Variants in PSD3 observed in about 807,000 individuals in gnomAD.
PSD3 encodes the protein PH and SEC7 domain-containing protein 3.
Under a neutral mutation model 105.5 loss-of-function variants are expected in PSD3, and 49 were observed. That is an observed-to-expected ratio of 0.46 (90% CI 0.37 to 0.59). The LOEUF (loss-of-function observed/expected upper bound fraction) is 0.59. Ranked by LOEUF, PSD3 falls within the 20% of genes least tolerant of loss-of-function variation. The pLI is 0.00. For synonymous variants in PSD3, 557 were observed against 457.8 expected, an observed-to-expected ratio of 1.22 and a Z score of -2.77; for missense variants, 1,561 against 1,263.8, an observed-to-expected ratio of 1.24 and a Z score of -3.57.
At chr8:18,897,893 G>A (rs965873076) in intron 2 of PSD3, among the ~76,000 whole-genome samples, 17 of 152,108 alleles carry the variant, frequency 1.1e-4, no homozygotes, top group African/African-American at 4.1e-4. Flanking sequence ...CAGTTCAGAG[G>A]TTTTTATTTT....
intron 11 of PSD3, among the ~76,000 whole-genome samples, chr8:18,617,798 T>G (rs1355478238): frequency 6.6e-6 from 1 of 152,154 alleles, no homozygotes; most frequent in East Asian, 1.9e-4. Flanking sequence ...TTAGTAGCAC[T>G]AAGATACCAA....
Position 18,605,477 on chromosome 8 carries a change from G to A in PSD3, c.2411-5043C>T, listed in dbSNP as rs567412549. ...TAACTAACTTGTTTTTGATTTTACA[G>A]GTTCATAGGTAGAAGGAACTAGCTT... On this transcript the variant is annotated intron_variant, in intron 11 of 15. Coordinates refer to ENST00000327040, the MANE Select transcript of PSD3 (RefSeq NM_015310.4). Among the ~76,000 whole-genome samples the A allele has an allele frequency of 2.6e-4, 40 of 152,184 alleles. 2 individuals carry two copies. The highest frequency in any genetic ancestry group is 9.6e-4 in the African/African-American group (40 of 41,514).
At chr8:18,823,387 A>G (rs937910686) in intron 4 of PSD3, among the ~76,000 whole-genome samples, 2 of 152,318 alleles carry the variant, frequency 1.3e-5, no homozygotes, top group Middle Eastern at 3.4e-3. Flanking sequence ...AAAGATCTTT[A>G]CCCTAGCCAC....
In PSD3 at chr8:18,782,151, T is replaced by G. The variant is rs756902735; in HGVS notation, c.2083-16613A>C. On this transcript the variant is annotated intron_variant, in intron 8 of 15. Transcript: ENST00000327040. ...TTTCAGAAATATTTTGAATTCATTTTCAGGTATTTCATAGATTTTTTTTAA... is the reference window on the plus strand; with the variant it reads ...TTTCAGAAATATTTTGAATTCATTTGCAGGTATTTCATAGATTTTTTTTAA... Among the ~76,000 whole-genome samples the G allele has an allele frequency of 8.7e-4, 132 of 152,236 alleles. 1 individual carries two copies. The highest frequency in any genetic ancestry group is 2.5e-3 in the South Asian group (12 of 4,824).
chr8:18,761,549 G>A (rs546286189), intron 9 of PSD3, among the ~76,000 whole-genome samples: 30 of 152,214 alleles, frequency 2.0e-4, no homozygotes, highest in Non-Finnish European at 4.3e-4. Context: ...ACAGAACCTG[G>A]TATTAGAACC....
At chr8:18,837,079 A>C (rs1435127951) in intron 4 of PSD3, among the ~76,000 whole-genome samples, 1 of 152,138 alleles carries the variant, frequency 6.6e-6, no homozygotes, top group Non-Finnish European at 1.5e-5. Context: ...AGGAGCCTAC[A>C]AGGTAGGAGT....
intron 2 of PSD3, among the ~76,000 whole-genome samples, chr8:18,912,639 C>T (rs77622262): frequency 0.05 from 7,545 of 152,242 alleles, 199 homozygotes; most frequent in Admixed American, 0.081. Flanking sequence ...AATGAAGACA[C>T]TCACTCACCA....
intron 1 of PSD3, among the ~76,000 whole-genome samples, chr8:18,957,157 G>A (rs1015215721): frequency 1.3e-5 from 2 of 151,896 alleles, no homozygotes; most frequent in Non-Finnish European, 2.9e-5. Context: ...GGATCACAAG[G>A]TCAAAGAGAT....
chr8:18,880,070 A>G (rs1406602732), intron 2 of PSD3, among the ~76,000 whole-genome samples: 1 of 152,120 alleles, frequency 6.6e-6, no homozygotes, highest in Admixed American at 6.5e-5. Context: ...ACACCCCATG[A>G]GCAGTTTATT....
intron 9 of PSD3, among the ~76,000 whole-genome samples, chr8:18,728,774 G>A (rs1450344750): frequency 6.6e-6 from 1 of 151,814 alleles, no homozygotes; most frequent in Non-Finnish European, 1.5e-5. Context: ...AAAACATGTT[G>A]TACATGACAA....
At chr8:19,083,213 C>A (rs909858455) in intron 1 of PSD3, among the ~76,000 whole-genome samples, 5 of 152,234 alleles carry the variant, frequency 3.3e-5, no homozygotes, top group African/African-American at 1.2e-4. Context: ...TGCTCACACA[C>A]ATGCAAAGGA....
chr8:18,689,701 G>C (rs1434230376), intron 9 of PSD3, among the ~76,000 whole-genome samples: 1 of 152,194 alleles, frequency 6.6e-6, no homozygotes, highest in Non-Finnish European at 1.5e-5. Flanking sequence ...GCTGATTTGG[G>C]AGTGACAGGG....
intron 9 of PSD3, among the ~76,000 whole-genome samples, chr8:18,662,164 T>A (rs1043972449): frequency 6.6e-6 from 1 of 152,200 alleles, no homozygotes; most frequent in African/African-American, 2.4e-5. Flanking sequence ...AAATTCGTAT[T>A]AATGAACACT....
intron 1 of PSD3, among the ~76,000 whole-genome samples, chr8:19,043,872 G>T (rs1828220256): frequency 6.6e-6 from 1 of 152,168 alleles, no homozygotes; most frequent in South Asian, 2.1e-4. Flanking sequence ...GTGGTATTTT[G>T]TTATAGCAGC....
At chr8:18,615,836 G>A (rs995704514) in intron 11 of PSD3, among the ~76,000 whole-genome samples, 1 of 152,176 alleles carries the variant, frequency 6.6e-6, no homozygotes, top group African/African-American at 2.4e-5. Flanking sequence ...GAAGGACAGA[G>A]CGAAGACCCT....
At chr8:18,687,237 G>T (rs139362318) in intron 9 of PSD3, among the ~76,000 whole-genome samples, 136 of 152,290 alleles carry the variant, frequency 8.9e-4, no homozygotes, top group African/African-American at 3.1e-3. Context: ...GCCAAGGCGG[G>T]CGGATCACAT....
intron 10 of PSD3, among the ~76,000 whole-genome samples, chr8:18,647,332 G>C (rs1808112474): frequency 6.6e-6 from 1 of 152,124 alleles, no homozygotes; most frequent in South Asian, 2.1e-4. Context: ...CACCTAATTA[G>C]CCAGAACAAT....
rs577424253 is a variant in PSD3 at position 18,919,715 on chromosome 8, T to C, written c.130+16319A>G. ...GCCATTTGTAGGGACATGGATGAAA[T>C]TGGAAATCATCATTCTCAGTAAACT... On this transcript the variant is annotated intron_variant, in intron 2 of 15. Transcript: ENST00000327040. 3.3e-4 allele frequency among the ~76,000 whole-genome samples: 50 copies of C among 151,818 alleles called. 1 individual carries two copies. The South Asian group carries it at 4.2e-3, about 13-fold the overall frequency.
At chr8:18,848,412 C>A (rs574416214) in intron 4 of PSD3, among the ~76,000 whole-genome samples, 1 of 152,274 alleles carries the variant, frequency 6.6e-6, no homozygotes, top group African/African-American at 2.4e-5. Context: ...AGAGCTGGTC[C>A]CCTGGTTGCA....
Sources: gnomAD v4.1 joint callset for allele counts (sites outside exome capture counted in the v4.1 genomes callset) on GRCh38, gnomAD v4.1.1 for gene constraint, MANE v1.5 for transcripts, NCBI Gene and HGNC (gene_info 2026-07-23, HGNC 2026-07-21) for gene names.